Variants in CANX observed in about 807,000 individuals in gnomAD.
The protein encoded by CANX is epididymis secretory sperm binding protein.
In CANX, 14 loss-of-function variants were observed where a neutral mutation model predicts 75.7. The ratio of observed to expected loss-of-function variants is 0.19; its 90% CI spans 0.12 to 0.29. CANX has a LOEUF of 0.29. CANX is among the 10% of genes least tolerant of loss of function. The pLI, the probability that CANX is intolerant of heterozygous loss-of-function variation, is 1.00. For missense variants in CANX, 567 were observed against 713.2 expected, an observed-to-expected ratio of 0.79 and a Z score of 2.34; for synonymous variants, 227 against 236.9, an observed-to-expected ratio of 0.96 and a Z score of 0.38.
At chr5:179,709,697 T>C in intron 6 of CANX, 176 bp from the exon 7 acceptor site, 1 of 479,560 alleles carries the variant, frequency 2.1e-6, no homozygotes, top group East Asian at 3.4e-5. Context: ...TTATTTTAAA[T>C]TTACTGATGA....
At chr5:179,688,737 T>C (rs1490607899) in intron 1 of CANX, among the ~76,000 whole-genome samples, 1 of 151,298 alleles carries the variant, frequency 6.6e-6, no homozygotes, top group Non-Finnish European at 1.5e-5. Flanking sequence ...TCCCAGCACT[T>C]TGGGAGGCTG....
rs1182091118 is a variant in CANX, at chr5:179,707,308, G to A, written c.304+118G>A. On this transcript the variant is annotated intron_variant, in intron 4 of 14. Coordinates refer to ENST00000247461, the MANE Select transcript of CANX (RefSeq NM_001746.4). ...GTAGGCTTTAAGATTTTTCCAGCCA[G>A]GTGCGGTGGCTCACGCCTGTAATCC... The A allele has an allele frequency of 7.2e-6, 5 of 690,290 alleles. No homozygotes were observed. The African/African-American group carries it at 8.9e-5, about 12-fold the overall frequency. 42.8% of individuals were successfully genotyped at this position (690,290 alleles called of 1,614,324 possible).
intron 7 of CANX, among the ~76,000 whole-genome samples, chr5:179,714,258 C>T (rs1385340400): frequency 6.6e-6 from 1 of 152,236 alleles, no homozygotes; most frequent in Non-Finnish European, 1.5e-5. Context: ...GCCTCAGCCT[C>T]CCAGAGTGCT....
chr5:179,700,809 T>C (rs1776687253), intron 1 of CANX: 1 of 152,854 alleles, frequency 6.5e-6, no homozygotes, highest in African/African-American at 2.4e-5. Flanking sequence ...AAGTGGCAGT[T>C]GGTGAGCATG....
upstream of CANX, among the ~76,000 whole-genome samples, chr5:179,693,692 A>G (rs1581824204): frequency 6.6e-6 from 1 of 151,580 alleles, no homozygotes; most frequent in East Asian, 2.0e-4. Flanking sequence ...TAAAAATAAA[A>G]ACTAGCCACG....
intron 1 of CANX, among the ~76,000 whole-genome samples, chr5:179,679,958 CTTTTTTTTTT>C (rs34916199): frequency 5.1e-5 from 3 of 59,348 alleles, no homozygotes; most frequent in Non-Finnish European, 3.2e-5. Flanking sequence ...TGCGCCTGGC[CTTTTTTTTTT>C]TTTTTTTTTT....
chr5:179,695,454 C>G (rs534563658), upstream of CANX, among the ~76,000 whole-genome samples: 1 of 151,910 alleles, frequency 6.6e-6, no homozygotes, highest in Non-Finnish European at 1.5e-5. Context: ...CTCAGCCTCC[C>G]GAGTAGCTGG....
intron 14 of CANX, 62 bp downstream of exon 14, chr5:179,726,821 A>C: frequency 8.1e-7 from 1 of 1,233,320 alleles, no homozygotes; most frequent in Non-Finnish European, 1.2e-6. Flanking sequence ...TGTAAAGGGA[A>C]TATTTTAATA....
intron 7 of CANX, among the ~76,000 whole-genome samples, chr5:179,710,949 G>C (rs900916783): frequency 6.6e-6 from 1 of 151,694 alleles, no homozygotes; most frequent in Non-Finnish European, 1.5e-5. Context: ...CTAGCTACTC[G>C]GGAGGCTGAG....
chr5:179,679,663 TTTC>T (rs1776003175), intron 1 of CANX, among the ~76,000 whole-genome samples: 1 of 151,974 alleles, frequency 6.6e-6, no homozygotes. Flanking sequence ...GGGCTTTCTT[TTTC>T]TTTTTTTTTG....
At chr5:179,720,071 TC>T (rs1175372706) in intron 9 of CANX, among the ~76,000 whole-genome samples, 1 of 152,164 alleles carries the variant, frequency 6.6e-6, no homozygotes, top group Non-Finnish European at 1.5e-5. Context: ...CCTCAAGTGA[TC>T]TGTCTGCCTT....
intron 1 of CANX, 103 bp from the exon 2 acceptor site, chr5:179,705,576 C>G: frequency 3.6e-6 from 3 of 834,188 alleles, no homozygotes; most frequent in Non-Finnish European, 5.7e-6. Flanking sequence ...CTTTTTAGCT[C>G]TGCGATTTAA....
chr5:179,684,618 G>T (rs1253830286), intron 1 of CANX, among the ~76,000 whole-genome samples: 1 of 151,992 alleles, frequency 6.6e-6, no homozygotes, highest in African/African-American at 2.4e-5. Context: ...GAGATTACAG[G>T]CTTGAGCCAC....
chr5:179,698,455 TGCTCACGCCCGTAGGGGCCC>T, upstream of CANX: 3 of 1,288,558 alleles, frequency 2.3e-6, no homozygotes, highest in Non-Finnish European at 3.0e-6. Context: ...CGCTGGGTTC[TGCTCACGCCCGTAGGGGCCC>T]GCGTTCGCTG....
intron 12 of CANX, 149 bp downstream of exon 12, chr5:179,723,928 C>T (rs543682804): frequency 3.0e-6 from 2 of 668,946 alleles, no homozygotes; most frequent in South Asian, 2.2e-5. Flanking sequence ...ACCTTACTTA[C>T]TGTTCCTCAG....
At chr5:179,712,902 T>TTTA (rs1777674581) in intron 7 of CANX, among the ~76,000 whole-genome samples, 1 of 142,446 alleles carries the variant, frequency 7.0e-6, no homozygotes, top group African/African-American at 2.6e-5. Flanking sequence ...TTTTCTTTTT[T>TTTA]TTATTATTAT....
chr5:179,700,897 C>T (rs992940588), intron 1 of CANX: 1 of 148,090 alleles, frequency 6.8e-6, no homozygotes, highest in Non-Finnish European at 1.5e-5. Flanking sequence ...GAGTCTCGCT[C>T]TGTCACTCAG....
chr5:179,714,528 T>C (rs1024130125), intron 7 of CANX, among the ~76,000 whole-genome samples: 1 of 151,936 alleles, frequency 6.6e-6, no homozygotes, highest in Admixed American at 6.6e-5. Context: ...ATTTTTATTT[T>C]TTTTTTTGAG....
intron 1 of CANX, among the ~76,000 whole-genome samples, 195 bp downstream of exon 1, chr5:179,699,297 C>T (rs957370368): frequency 6.6e-6 from 1 of 152,132 alleles, no homozygotes; most frequent in Non-Finnish European, 1.5e-5. Context: ...GGTTGCGGGC[C>T]CAGGCCGCGC....
Sources: allele counts gnomAD v4.1 joint callset (sites outside exome capture counted in the v4.1 genomes callset), GRCh38; gene constraint gnomAD v4.1.1; transcripts MANE v1.5; gene names NCBI Gene and HGNC (gene_info 2026-07-23, HGNC 2026-07-21).